Variants in MTUS2 observed in about 807,000 individuals in gnomAD.
MTUS2 encodes microtubule associated scaffold protein 2, also known as microtubule-associated tumor suppressor candidate 2.
A neutral mutation model predicts 114.1 loss-of-function variants in MTUS2; 40 were observed. The ratio of observed to expected loss-of-function variants is 0.35; its 90% CI spans 0.27 to 0.46. MTUS2 has a LOEUF of 0.46. Among genes scored for constraint, MTUS2 ranks in the 20% least tolerant of loss-of-function variants. The pLI, the probability that MTUS2 is intolerant of heterozygous loss-of-function variation, is 1.00. For synonymous variants in MTUS2, 688 were observed against 672.0 expected, an observed-to-expected ratio of 1.02 and a Z score of -0.37; for missense variants, 1,679 against 1,705.4, an observed-to-expected ratio of 0.98 and a Z score of 0.27.
At chr13:28,950,232 A>G (rs1882742036) in intron 2 of MTUS2, among the ~76,000 whole-genome samples, 1 of 152,092 alleles carries the variant, frequency 6.6e-6, no homozygotes, top group Non-Finnish European at 1.5e-5. Flanking sequence ...CTTGTTGGCC[A>G]TTTGTATATC....
Position 29,084,706 on chromosome 13 carries a change from T to A in MTUS2, c.2447-16067T>A, listed in dbSNP as rs191357534. Among the ~76,000 whole-genome samples the A allele has an allele frequency of 2.3e-4, 35 of 151,752 alleles. No individual in the cohort carries two copies. In the East Asian group the frequency reaches 6.8e-3, roughly 30 times the overall value. ...GTGCATGACACCACACCCAGGTAAT[T>A]TTTGTATTTTTAGTAGAGGTGGGGT... On this transcript the variant is annotated intron_variant, in intron 4 of 15. Transcript: ENST00000612955.
intron 8 of MTUS2, among the ~76,000 whole-genome samples, chr13:29,364,694 G>A (rs1870557445): frequency 6.6e-6 from 1 of 152,230 alleles, no homozygotes; most frequent in African/African-American, 2.4e-5. Flanking sequence ...TTGAGCTAAA[G>A]CAGTAGAGAA....
At chr13:29,459,396 G>A (rs181790070) in intron 9 of MTUS2, among the ~76,000 whole-genome samples, 142 of 152,146 alleles carry the variant, frequency 9.3e-4, no homozygotes, top group Non-Finnish European at 1.7e-3. Flanking sequence ...ATTATAATTC[G>A]GAAGTGTGTT....
intron 11 of MTUS2, among the ~76,000 whole-genome samples, chr13:29,490,582 G>A (rs901363171): frequency 5.3e-5 from 8 of 152,348 alleles, no homozygotes; most frequent in South Asian, 4.1e-4. Context: ...CACTTTTCAC[G>A]GAACAGAATT....
intron 6 of MTUS2, among the ~76,000 whole-genome samples, chr13:29,300,669 T>C (rs1033777924): frequency 3.9e-5 from 6 of 151,936 alleles, no homozygotes; most frequent in Non-Finnish European, 7.4e-5. Context: ...ATACTAAGAG[T>C]AGTATTTGAT....
At chr13:29,104,941 C>T (rs1037139535) in intron 5 of MTUS2, among the ~76,000 whole-genome samples, 4 of 152,012 alleles carry the variant, frequency 2.6e-5, no homozygotes, top group African/African-American at 2.4e-5. Flanking sequence ...AAATAATGAC[C>T]GTACTATAGA....
chr13:28,861,008 GGGGAGA>G (rs1167997305), intron 2 of MTUS2, among the ~76,000 whole-genome samples: 4 of 152,106 alleles, frequency 2.6e-5, no homozygotes, highest in African/African-American at 9.7e-5. Flanking sequence ...TCAGCCTGCT[GGGGAGA>G]GCCAGCAGGC....
At position 29,116,519 on chromosome 13, in the gene MTUS2, C is replaced by T. The variant is rs925366645; in HGVS notation, c.2644+15549C>T. ...GGATGGTACCAAAGGATACATATACCGTGTTTTTTCCTATACATACATACC... is the reference window on the plus strand; with the variant it reads ...GGATGGTACCAAAGGATACATATACTGTGTTTTTTCCTATACATACATACC... On this transcript the variant is annotated intron_variant, in intron 5 of 15. Coordinates refer to ENST00000612955, the MANE Select transcript of MTUS2 (RefSeq NM_001033602.4). Among the ~76,000 whole-genome samples, 88 of 152,008 alleles carry T rather than the reference C, an allele frequency of 5.8e-4. 4 individuals are homozygous for T. The highest frequency in any genetic ancestry group is 4.4e-5 in the Non-Finnish European group (3 of 68,004).
chr13:29,087,074 C>T (rs941559410), intron 4 of MTUS2, among the ~76,000 whole-genome samples: 1 of 152,150 alleles, frequency 6.6e-6, no homozygotes, highest in South Asian at 2.1e-4. Context: ...TTCCTCTCTT[C>T]CTATTTGGAT....
At chr13:28,848,103 G>GATAT (rs149499694) in intron 2 of MTUS2, among the ~76,000 whole-genome samples, 22 of 150,118 alleles carry the variant, frequency 1.5e-4, no homozygotes, top group African/African-American at 5.1e-4. Context: ...CTAGTTCAGG[G>GATAT]ATATATATAT....
intron 2 of MTUS2, among the ~76,000 whole-genome samples, chr13:28,941,806 A>T (rs1347780413): frequency 2.6e-5 from 4 of 152,224 alleles, no homozygotes; most frequent in African/African-American, 9.6e-5. Context: ...TTTTAGTGCT[A>T]TATTACATTA....
chr13:29,212,351 A>G (rs1207118953), intron 5 of MTUS2, among the ~76,000 whole-genome samples: 1 of 152,012 alleles, frequency 6.6e-6, no homozygotes, highest in African/African-American at 2.4e-5. Flanking sequence ...TCCTCACAAC[A>G]CCTCTGACAC....
chr13:29,010,832 A>T (rs1319359442), intron 2 of MTUS2, among the ~76,000 whole-genome samples: 1 of 152,132 alleles, frequency 6.6e-6, no homozygotes, highest in African/African-American at 2.4e-5. Flanking sequence ...GGTCAGGAGA[A>T]GGGGAGTCAG....
intron 2 of MTUS2, among the ~76,000 whole-genome samples, chr13:28,928,929 AAC>A (rs1257652833): frequency 6.6e-6 from 1 of 152,202 alleles, no homozygotes; most frequent in Non-Finnish European, 1.5e-5. Flanking sequence ...GTGTGTCTGA[AAC>A]ACACGTGTAC....
chr13:29,356,489 C>T lies in MTUS2; in HGVS notation c.2906-2773C>T, dbSNP rs56024621. On this transcript the variant is annotated intron_variant, in intron 7 of 15. Coordinates refer to ENST00000612955, the MANE Select transcript of MTUS2 (RefSeq NM_001033602.4). ...CAGTGATCTTCGTTCAACATAAGCTCTCTGTCCCCAAGGTGGCAGTGAGCC... is the reference window on the plus strand; with the variant it reads ...CAGTGATCTTCGTTCAACATAAGCTTTCTGTCCCCAAGGTGGCAGTGAGCC... Among the ~76,000 whole-genome samples the T allele has an allele frequency of 3.6e-4, 55 of 152,324 alleles. No individual in the cohort carries two copies. In the East Asian group the frequency reaches 5.8e-3, roughly 16 times the overall value.
At chr13:29,211,155 G>A (rs1055864219) in intron 5 of MTUS2, among the ~76,000 whole-genome samples, 1 of 152,138 alleles carries the variant, frequency 6.6e-6, no homozygotes, top group African/African-American at 2.4e-5. Flanking sequence ...TGTGGCTGTT[G>A]TGGAGGATGG....
chr13:29,456,597 G>A (rs1012658090), intron 9 of MTUS2, among the ~76,000 whole-genome samples: 1 of 152,110 alleles, frequency 6.6e-6, no homozygotes, highest in Admixed American at 6.5e-5. Flanking sequence ...AAGAGGAAAT[G>A]CTAAAAAGCA....
At chr13:29,223,999 T>A (rs1896008949) in intron 5 of MTUS2, among the ~76,000 whole-genome samples, 1 of 152,244 alleles carries the variant, frequency 6.6e-6, no homozygotes, top group East Asian at 1.9e-4. Context: ...CATGCCTGGC[T>A]GTGCACAGTG....
chr13:29,382,553 C>T (rs4254168), intron 8 of MTUS2, among the ~76,000 whole-genome samples: 115,676 of 152,070 alleles, frequency 0.76, 44,152 homozygotes, highest in Admixed American at 0.83. Context: ...CAGAAGTTTA[C>T]GAACTGAGTT....
Sources: allele counts gnomAD v4.1 joint callset (sites outside exome capture counted in the v4.1 genomes callset), GRCh38; gene constraint gnomAD v4.1.1; transcripts MANE v1.5; gene names NCBI Gene and HGNC (gene_info 2026-07-23, HGNC 2026-07-21).